The following FNDC3B variants were observed in gnomAD, a reference collection of about 807,000 sequenced individuals.
FNDC3B encodes the protein fibronectin type III domain containing 3B.
In FNDC3B, 12 loss-of-function variants were observed where a neutral mutation model predicts 151.5. That is an observed-to-expected ratio of 0.08 (90% CI 0.05 to 0.13). The LOEUF (loss-of-function observed/expected upper bound fraction) is 0.13, where lower values mean the gene tolerates loss of function less well. Ranked by LOEUF, FNDC3B falls within the 10% of genes least tolerant of loss-of-function variation. The probability of loss-of-function intolerance (pLI) is 1.00; values close to 1 mark genes in which losing one functional copy is unlikely to be tolerated. For missense variants in FNDC3B, 1,214 were observed against 1,505.3 expected (o/e 0.81, Z 3.20); for synonymous variants, 528 against 549.0 (o/e 0.96, Z 0.54).
At position 172,117,520 on chromosome 3, in the gene FNDC3B, G is replaced by T. The variant is rs541786776; in HGVS notation, c.111+4930G>T. ...ATTTAATATTTTAATAATTTCTGAA[G>T]AATTATAGCAGCTACCAGTTAAACC... On this transcript the variant is annotated intron_variant, in intron 2 of 25. Coordinates refer to ENST00000415807, the MANE Select transcript of FNDC3B (RefSeq NM_022763.4). 2.0e-5 allele frequency among the ~76,000 whole-genome samples: 3 copies of T among 152,316 alleles called. No homozygotes were observed. In the South Asian group the frequency reaches 6.2e-4, roughly 32 times the overall value.
At chr3:172,272,951 T>C (rs1729271286) in intron 6 of FNDC3B, among the ~76,000 whole-genome samples, 2 of 152,364 alleles carry the variant, frequency 1.3e-5, no homozygotes, top group Admixed American at 1.3e-4. Context: ...CTGAGGTAGC[T>C]GTAAACTCAA....
At chr3:172,126,223 G>C (rs1416834301) in intron 2 of FNDC3B, among the ~76,000 whole-genome samples, 4 of 152,160 alleles carry the variant, frequency 2.6e-5, no homozygotes, top group Non-Finnish European at 4.4e-5. Context: ...AACGTGCATA[G>C]AATCGGCTGT....
intron 5 of FNDC3B, among the ~76,000 whole-genome samples, chr3:172,249,221 C>T (rs1727941510): frequency 6.6e-6 from 1 of 152,074 alleles, no homozygotes; most frequent in African/African-American, 2.4e-5. Context: ...GTGACTGACT[C>T]ATTGCTTGCT....
At chr3:172,393,976 C>T (rs772261597) in intron 25 of FNDC3B, among the ~76,000 whole-genome samples, 57 of 151,246 alleles carry the variant, frequency 3.8e-4, no homozygotes, top group Non-Finnish European at 5.9e-4. Flanking sequence ...GGTGTGGTGA[C>T]GGGTGCCTGT....
At chr3:172,207,611 G>A (rs928489621) in intron 3 of FNDC3B, among the ~76,000 whole-genome samples, 4 of 152,110 alleles carry the variant, frequency 2.6e-5, no homozygotes, top group South Asian at 2.1e-4. Flanking sequence ...GGCCATGGGC[G>A]GGGCCTGGAA....
intron 3 of FNDC3B, among the ~76,000 whole-genome samples, chr3:172,205,174 C>A (rs115265027): frequency 6.6e-6 from 1 of 151,990 alleles, no homozygotes; most frequent in African/African-American, 2.4e-5. Flanking sequence ...AATTACCATC[C>A]CCCGCCCAGG....
In FNDC3B at chr3:172,344,189, G is replaced by C. The variant is rs1341794227; in HGVS notation, c.2181G>C (p.Glu727Asp). Residue 727 changes from glutamate (E) to aspartate (D), a missense_variant, in exon 19 of 26, where the codon GAG becomes GAC. This residue lies in a region of FNDC3B where 380 missense variants were observed against 420.9 expected (regional missense o/e 0.90). Transcript: ENST00000415807. The stretch of plus-strand genomic sequence containing the variant: ...AAGTGTACCATGGCCCAGAGCTGGA[G>C]TGCACCGTCGGCAACCTGCTTCCTG... ...ASEVYHGPEL[E>D]CTVGNLLPGT... The C allele has an allele frequency of 1.2e-6, 2 of 1,614,174 alleles. No homozygotes were observed. The highest frequency in any genetic ancestry group is 3.3e-5 in the Admixed American group (2 of 60,024).
At chr3:172,351,340 G>A (rs947915512) in intron 21 of FNDC3B, among the ~76,000 whole-genome samples, 3 of 152,204 alleles carry the variant, frequency 2.0e-5, no homozygotes, top group African/African-American at 7.2e-5. Flanking sequence ...GCAGCCAAGT[G>A]CAAAGGCCAT....
chr3:172,240,778 T>A (rs571559733), intron 4 of FNDC3B, among the ~76,000 whole-genome samples: 116 of 152,326 alleles, frequency 7.6e-4, no homozygotes, highest in Middle Eastern at 6.8e-3. Flanking sequence ...TGATGTCCTT[T>A]TCCATCTCCC....
rs1576870502 is a variant in FNDC3B at position 172,282,727 on chromosome 3, A to G, written c.791-3199A>G. 2.0e-5 allele frequency among the ~76,000 whole-genome samples: 3 copies of G among 152,090 alleles called. No individual in the cohort carries two copies. The South Asian group carries it at 6.2e-4, about 32-fold the overall frequency. ...CAAGGCCAACACCCCACCAGTATCA[A>G]CCCCATGTTTTCTTTCTCAGTGTCC... On this transcript the variant is annotated intron_variant, in intron 6 of 25. Transcript: ENST00000415807.
At chr3:172,073,806 G>T (rs1168262087) in intron 1 of FNDC3B, among the ~76,000 whole-genome samples, 1 of 151,990 alleles carries the variant, frequency 6.6e-6, no homozygotes, top group Non-Finnish European at 1.5e-5. Context: ...ACCTTACAAT[G>T]GGTGCATGAT....
intron 1 of FNDC3B, among the ~76,000 whole-genome samples, chr3:172,107,299 T>A (rs998873295): frequency 1.3e-5 from 2 of 152,180 alleles, no homozygotes; most frequent in Non-Finnish European, 2.9e-5. Flanking sequence ...AGAGAAACCC[T>A]GGTGCTCTGT....
At chr3:172,307,250 C>T in intron 9 of FNDC3B, 113 bp from the exon 10 acceptor site, 1 of 1,071,608 alleles carries the variant, frequency 9.3e-7, no homozygotes, top group Non-Finnish European at 1.4e-6. Flanking sequence ...GCATGATACT[C>T]ACTCCGTAAG....
chr3:172,315,033 A>T (rs1355658322), intron 11 of FNDC3B, among the ~76,000 whole-genome samples: 1 of 152,250 alleles, frequency 6.6e-6, no homozygotes, highest in African/African-American at 2.4e-5. Flanking sequence ...TTAATTTTTA[A>T]ATCAATACAA....
chr3:172,138,354 T>C (rs1721473296), intron 3 of FNDC3B, among the ~76,000 whole-genome samples: 1 of 152,258 alleles, frequency 6.6e-6, no homozygotes, highest in Non-Finnish European at 1.5e-5. Context: ...TGAGTGGCTC[T>C]GGTATTACAT....
chr3:172,260,641 G>A (rs1413945272), intron 6 of FNDC3B, among the ~76,000 whole-genome samples: 1 of 152,160 alleles, frequency 6.6e-6, no homozygotes, highest in Non-Finnish European at 1.5e-5. Flanking sequence ...GTTGGGCAAG[G>A]CGTCCTGCAG....
chr3:172,340,084 G>GA (rs2108303737), intron 16 of FNDC3B, among the ~76,000 whole-genome samples: 1 of 152,318 alleles, frequency 6.6e-6, no homozygotes, highest in African/African-American at 2.4e-5. Context: ...ACAGAGGAGT[G>GA]AAGAGCCTCC....
At chr3:172,223,754 A>G (rs112946413) in intron 3 of FNDC3B, among the ~76,000 whole-genome samples, 5 of 152,346 alleles carry the variant, frequency 3.3e-5, no homozygotes, top group African/African-American at 1.2e-4. Context: ...GGTGTGGAAT[A>G]TTAAAAAGCT....
chr3:172,118,729 C>G (rs999381332), intron 2 of FNDC3B, among the ~76,000 whole-genome samples: 1 of 152,160 alleles, frequency 6.6e-6, no homozygotes, highest in African/African-American at 2.4e-5. Context: ...CATCAAGATG[C>G]GTGAGAAATG....
Sources: allele counts gnomAD v4.1 joint callset (sites outside exome capture counted in the v4.1 genomes callset), GRCh38; gene constraint gnomAD v4.1.1; regional missense constraint gnomAD v4.1.1; transcripts MANE v1.5; gene names NCBI Gene and HGNC (gene_info 2026-07-23, HGNC 2026-07-21).